Variants in NAV2 observed in about 807,000 individuals in gnomAD.
NAV2 encodes the protein helicase, APC down-regulated 1.
Under a neutral mutation model 223.2 loss-of-function variants are expected in NAV2, and 54 were observed. That is an observed-to-expected ratio of 0.24 (90% CI 0.19 to 0.30). The LOEUF (loss-of-function observed/expected upper bound fraction) is 0.30, where lower values mean the gene tolerates loss of function less well. Among genes scored for constraint, NAV2 ranks in the 10% least tolerant of loss-of-function variants. The pLI is 1.00. For synonymous variants in NAV2, 1,279 were observed against 1,239.3 expected (o/e 1.03, Z -0.67); for missense variants, 2,806 against 3,147.5 (o/e 0.89, Z 2.60).
At chr11:19,484,336 C>T (rs1297240872) in intron 1 of NAV2, among the ~76,000 whole-genome samples, 1 of 152,230 alleles carries the variant, frequency 6.6e-6, no homozygotes, top group African/African-American at 2.4e-5. Flanking sequence ...TCTCTGATGA[C>T]AGGGAGGTCA....
chr11:19,641,262 A>G (rs1238585670), intron 1 of NAV2, among the ~76,000 whole-genome samples: 1 of 152,176 alleles, frequency 6.6e-6, no homozygotes, highest in Non-Finnish European at 1.5e-5. Context: ...GACCAATGAC[A>G]GCATTTTCTA....
intron 6 of NAV2, among the ~76,000 whole-genome samples, chr11:19,927,190 AC>A (rs1296494222): frequency 6.6e-6 from 1 of 152,172 alleles, no homozygotes; most frequent in Admixed American, 6.5e-5. Context: ...TTTCCTTCTT[AC>A]AGTGGTTTGT....
intron 1 of NAV2, among the ~76,000 whole-genome samples, chr11:19,627,247 G>A (rs1435202106): frequency 6.6e-6 from 1 of 152,126 alleles, no homozygotes; most frequent in Admixed American, 6.5e-5. Context: ...AATTAGCAGG[G>A]CGTGGTATTG....
At chr11:19,920,927 C>T (rs1182904612) in intron 6 of NAV2, among the ~76,000 whole-genome samples, 1 of 152,138 alleles carries the variant, frequency 6.6e-6, no homozygotes, top group African/African-American at 2.4e-5. Flanking sequence ...CTCAATCTAC[C>T]ACCAACTTGT....
intron 1 of NAV2, among the ~76,000 whole-genome samples, chr11:19,733,401 A>G (rs1037232830): frequency 6.6e-6 from 1 of 152,226 alleles, no homozygotes; most frequent in Non-Finnish European, 1.5e-5. Context: ...AAGTCTGTTC[A>G]GTTCTGGAGT....
At chr11:19,946,713 A>G (rs999014348) in intron 9 of NAV2, among the ~76,000 whole-genome samples, 8 of 152,214 alleles carry the variant, frequency 5.3e-5, no homozygotes, top group Non-Finnish European at 1.2e-4. Context: ...TTTTTCCCAA[A>G]AGCAGAAGGT....
chr11:19,990,209 C>T (rs369884959), intron 11 of NAV2, among the ~76,000 whole-genome samples: 123 of 152,282 alleles, frequency 8.1e-4, no homozygotes, highest in African/African-American at 2.8e-3. Flanking sequence ...GGCCTTCTTG[C>T]AAGTTTAGAA....
intron 11 of NAV2, among the ~76,000 whole-genome samples, chr11:20,034,651 G>A (rs1159502961): frequency 6.6e-6 from 1 of 152,128 alleles, no homozygotes; most frequent in African/African-American, 2.4e-5. Context: ...CAAAGTGCTG[G>A]GATTACAGGC....
At position 19,948,883 on chromosome 11, in the gene NAV2, T is replaced by C. The variant is rs368108151; in HGVS notation, c.2448T>C (p.Thr816=). The C allele has an allele frequency of 6.7e-4, 1,076 of 1,614,002 alleles. 17 individuals carry two copies. In the South Asian group the frequency reaches 0.01, roughly 15 times the overall value. ...PRANASRFIN[T]ESGRYVYSAP... is the part of the protein sequence containing the mutation. ...CCAACGCCAGCAGGTTCATCAACAC[T>C]GAGTCAGGTCGCTATGTGTACTCCG... The change falls in exon 10 of 38, where the codon ACT becomes ACC. Residue 816 remains threonine, a synonymous_variant. Transcript: ENST00000349880.
intron 19 of NAV2, among the ~76,000 whole-genome samples, chr11:20,059,943 G>A (rs1411810194): frequency 6.6e-6 from 1 of 152,208 alleles, no homozygotes; most frequent in Non-Finnish European, 1.5e-5. Context: ...AACTGCAATG[G>A]TTCAGGTAAA....
chr11:19,915,230 A>G (rs1414197881), intron 6 of NAV2, among the ~76,000 whole-genome samples: 1 of 152,204 alleles, frequency 6.6e-6, no homozygotes, highest in Non-Finnish European at 1.5e-5. Context: ...ACCAGGATCT[A>G]GGTTTTCAGT....
intron 11 of NAV2, among the ~76,000 whole-genome samples, chr11:20,005,029 G>T (rs1172311732): frequency 6.6e-6 from 1 of 151,952 alleles, no homozygotes; most frequent in Non-Finnish European, 1.5e-5. Context: ...AGCTATTATT[G>T]GGAAGGAAGT....
intron 1 of NAV2, among the ~76,000 whole-genome samples, chr11:19,487,752 A>T (rs1272695624): frequency 6.6e-6 from 1 of 152,158 alleles, no homozygotes; most frequent in African/African-American, 2.4e-5. Context: ...TTAAACTTTG[A>T]CAGGGTTTAG....
intron 10 of NAV2, among the ~76,000 whole-genome samples, chr11:19,982,566 G>A (rs7113284): frequency 6.6e-6 from 1 of 152,056 alleles, no homozygotes; most frequent in Non-Finnish European, 1.5e-5. Flanking sequence ...CAAACACTTA[G>A]TCTGATTTAC....
At chr11:19,833,575 TCTC>T (rs766988188) in intron 2 of NAV2, among the ~76,000 whole-genome samples, 13 of 152,234 alleles carry the variant, frequency 8.5e-5, no homozygotes, top group Non-Finnish European at 1.0e-4. Context: ...TTTTTCCTCC[TCTC>T]CCTGTATTAG....
chr11:19,373,387 C>G (rs1387889358), intron 1 of NAV2, among the ~76,000 whole-genome samples: 3 of 152,208 alleles, frequency 2.0e-5, no homozygotes, highest in Non-Finnish European at 1.5e-5. Context: ...CTCTTTCACT[C>G]TCCCTTTGGC....
At chr11:19,885,040 C>T (rs1448934514) in intron 5 of NAV2, among the ~76,000 whole-genome samples, 4 of 152,186 alleles carry the variant, frequency 2.6e-5, no homozygotes, top group African/African-American at 9.7e-5. Context: ...AGGACCCATC[C>T]TATGGTATGG....
chr11:19,617,923 C>A (rs1301053684), intron 1 of NAV2, among the ~76,000 whole-genome samples: 4 of 152,138 alleles, frequency 2.6e-5, no homozygotes, highest in Non-Finnish European at 5.9e-5. Context: ...GAACCCAGAA[C>A]CCTCTTCCTA....
chr11:19,939,372 G>A (rs1400400034), intron 7 of NAV2, among the ~76,000 whole-genome samples: 1 of 152,156 alleles, frequency 6.6e-6, no homozygotes, highest in East Asian at 1.9e-4. Context: ...TGTCTGGCTA[G>A]ACCTAGCATC....
Sources: gnomAD v4.1 joint callset for allele counts (sites outside exome capture counted in the v4.1 genomes callset) on GRCh38, gnomAD v4.1.1 for gene constraint, MANE v1.5 for transcripts, NCBI Gene and HGNC (gene_info 2026-07-23, HGNC 2026-07-21) for gene names.